The following SEC14L1 variants were observed in gnomAD, a reference collection of about 807,000 sequenced individuals.
SEC14L1 encodes the protein SEC14 like lipid binding 1.
Under a neutral mutation model 85.3 loss-of-function variants are expected in SEC14L1, and 48 were observed. That is an observed-to-expected ratio of 0.56 (90% CI 0.45 to 0.72). SEC14L1 has a LOEUF of 0.72. Ranked by LOEUF, SEC14L1 falls within the 30% of genes least tolerant of loss-of-function variation. The probability of loss-of-function intolerance (pLI) is 0.00; values close to 1 mark genes in which losing one functional copy is unlikely to be tolerated. For synonymous variants in SEC14L1, 391 were observed against 355.5 expected, an observed-to-expected ratio of 1.10 and a Z score of -1.12; for missense variants, 682 against 921.4, an observed-to-expected ratio of 0.74 and a Z score of 3.36.
At position 77,195,853 on chromosome 17, in the gene SEC14L1, A is replaced by G. The variant is rs370910899; in HGVS notation, c.710-349A>G. 3.9e-5 allele frequency among the ~76,000 whole-genome samples: 6 copies of G among 152,004 alleles called. No individual in the cohort carries two copies. In the East Asian group the frequency reaches 1.2e-3, roughly 29 times the overall value. On this transcript the variant is annotated intron_variant, in intron 7 of 16. Transcript: ENST00000436233. ...TTTGCTTGGCTTTTTTTTTTCCATAAATTTTATATCTTGCAAGTCCTTTTT... is the reference window on the plus strand; with the variant it reads ...TTTGCTTGGCTTTTTTTTTTCCATAGATTTTATATCTTGCAAGTCCTTTTT...
At chr17:77,193,888 C>T (rs538629867) in intron 6 of SEC14L1, among the ~76,000 whole-genome samples, 2 of 152,262 alleles carry the variant, frequency 1.3e-5, no homozygotes, top group East Asian at 1.9e-4. Flanking sequence ...AGGTGCTTGC[C>T]GAGCAGGCTG....
intron 3 of SEC14L1, among the ~76,000 whole-genome samples, chr17:77,149,248 C>T (rs912278884): frequency 1.3e-5 from 2 of 152,156 alleles, no homozygotes; most frequent in Admixed American, 6.5e-5. Context: ...TTTGTGTGTC[C>T]TTCCAGGGCA....
chr17:77,106,664 C>G (rs1467892530), intron 3 of SEC14L1, among the ~76,000 whole-genome samples: 2 of 151,716 alleles, frequency 1.3e-5, no homozygotes, highest in African/African-American at 2.4e-5. Context: ...GACTCCATCT[C>G]AAAAAATAAA....
At chr17:77,133,784 C>G (rs1972691655) in intron 3 of SEC14L1, among the ~76,000 whole-genome samples, 1 of 151,668 alleles carries the variant, frequency 6.6e-6, no homozygotes, top group African/African-American at 2.4e-5. Flanking sequence ...ACTAAAAATA[C>G]AAAAATTAGC....
Position 77,213,402 on chromosome 17 carries a change from G to A in SEC14L1, c.1952G>A (p.Arg651Gln). 1 of 1,613,426 alleles carries A rather than the reference G, an allele frequency of 6.2e-7. No individual in the cohort carries two copies. The highest frequency in any genetic ancestry group is 8.5e-7 in the Non-Finnish European group (1 of 1,180,016). Residue 651 changes from arginine to glutamine, a missense_variant, in exon 16 of 17, where the codon CGG (arginine) becomes CAG (glutamine). Around this residue, in one of 3 missense-constraint regions of SEC14L1, gnomAD observed 420 missense variants for 619.5 expected, o/e 0.68. Coordinates refer to ENST00000436233, the MANE Select transcript of SEC14L1 (RefSeq NM_001143998.2). This position sits in a 1 kb window ranked among gnomAD's most constrained non-coding sequence, Gnocchi z 7.1. ...MPACAASSLP[R>Q]VDDVLASLQV... Reference sequence around the variant, plus strand: ...GCGTGCGCCGCCAGCAGCCTTCCCCGGGTGGACGACGTGCTTGCGTCCCTG... The same window carrying A: ...GCGTGCGCCGCCAGCAGCCTTCCCCAGGTGGACGACGTGCTTGCGTCCCTG...
rs992154008 is a variant in SEC14L1 at position 77,162,817 on chromosome 17, C to G, written c.63+19158C>G. ...TGCACTCCAGCCAGGGCAACAAGAG[C>G]GAAACTCTGTCTCAAAAAAAAAAAA... On this transcript the variant is annotated intron_variant, in intron 3 of 16. Transcript: ENST00000436233. Among the ~76,000 whole-genome samples, 3 of 118,800 alleles carry G rather than the reference C, an allele frequency of 2.5e-5. No homozygotes were observed. The South Asian group carries it at 8.3e-4, about 33-fold the overall frequency. The allele number at this position is 118,800 out of a possible 152,430, so 77.9% of individuals were successfully genotyped here. A position where few individuals can be genotyped will look rare whatever the true frequency, so the allele number is the denominator to read the frequency against.
chr17:77,112,288 C>G (rs1972065523), intron 3 of SEC14L1, among the ~76,000 whole-genome samples: 1 of 152,110 alleles, frequency 6.6e-6, no homozygotes, highest in Non-Finnish European at 1.5e-5. Flanking sequence ...TCTCGGGTCT[C>G]TCTTCATAGC....
chr17:77,163,685 C>T (rs1974164516), intron 3 of SEC14L1, among the ~76,000 whole-genome samples: 1 of 152,220 alleles, frequency 6.6e-6, no homozygotes, highest in Non-Finnish European at 1.5e-5. Context: ...TCTTCATATG[C>T]TGTCAAGTTT....
At chr17:77,202,873 C>G (rs563440325) in intron 9 of SEC14L1, among the ~76,000 whole-genome samples, 1 of 150,872 alleles carries the variant, frequency 6.6e-6, no homozygotes, top group Non-Finnish European at 1.5e-5. Flanking sequence ...GAGCTGAGAT[C>G]GTGCCACTGC....
chr17:77,118,893 T>C (rs1261775463), intron 3 of SEC14L1, among the ~76,000 whole-genome samples: 2 of 152,026 alleles, frequency 1.3e-5, no homozygotes, highest in Non-Finnish European at 2.9e-5. Flanking sequence ...CCAGAAACCA[T>C]CCCACCACCT....
chr17:77,135,001 C>A (rs1473780128), intron 3 of SEC14L1, among the ~76,000 whole-genome samples: 3 of 152,208 alleles, frequency 2.0e-5, no homozygotes, highest in Non-Finnish European at 4.4e-5. Flanking sequence ...TCTCCTCAAC[C>A]CACTGCTGCC....
Position 77,152,127 on chromosome 17 carries a change from C to T in SEC14L1, c.63+8468C>T, listed in dbSNP as rs376449797. Among the ~76,000 whole-genome samples the T allele has an allele frequency of 1.1e-4, 17 of 152,328 alleles. No individual in the cohort carries two copies. In the South Asian group the frequency reaches 3.1e-3, roughly 28 times the overall value. On this transcript the variant is annotated intron_variant, in intron 3 of 16. Transcript: ENST00000436233. ...AGCTGGGACTACAGGCTCACACCAC[C>T]ATGCCAGCTAATTTTTCTTTTTTTA... is the stretch of plus-strand genomic sequence containing the variant.
In SEC14L1 at chr17:77,213,584, G is replaced by A. The variant is rs756360148; in HGVS notation, c.2042+92G>A. ...CCACGCCGTGTGCAGGATCAGCAGT[G>A]GCGGCGGGTGTCAGGAATGCTTGGA... On this transcript the variant is annotated intron_variant, in intron 16 of 16. Coordinates refer to ENST00000436233, the MANE Select transcript of SEC14L1 (RefSeq NM_001143998.2). The surrounding 1 kb of genome is among the most constrained non-coding windows in gnomAD (Gnocchi z 7.1). The A allele has an allele frequency of 1.4e-6, 2 of 1,474,540 alleles. No homozygotes were observed. The highest frequency in any genetic ancestry group is 9.3e-7 in the Non-Finnish European group (1 of 1,076,462). The allele number at this position is 1,474,540 out of a possible 1,614,324, so 91.3% of individuals were successfully genotyped here. A position where few individuals can be genotyped will look rare whatever the true frequency, so the allele number is the denominator to read the frequency against.
chr17:77,177,034 A>G (rs1974786840), intron 3 of SEC14L1, among the ~76,000 whole-genome samples: 1 of 152,184 alleles, frequency 6.6e-6, no homozygotes, highest in Non-Finnish European at 1.5e-5. Context: ...ACTTAAGTTT[A>G]TTATTTTTTC....
intron 3 of SEC14L1, among the ~76,000 whole-genome samples, chr17:77,184,638 C>T (rs1260133202): frequency 6.6e-6 from 1 of 152,172 alleles, no homozygotes; most frequent in Non-Finnish European, 1.5e-5. Context: ...AACGTTTCTG[C>T]CTCGCCTTGA....
intron 3 of SEC14L1, among the ~76,000 whole-genome samples, chr17:77,107,717 T>G (rs1261222665): frequency 6.6e-6 from 1 of 152,128 alleles, no homozygotes; most frequent in Non-Finnish European, 1.5e-5. Context: ...TTGACTTTCT[T>G]GCAACAACAG....
chr17:77,216,464 T>G lies in SEC14L1; in HGVS notation c.*2441T>G. ...GGTAGGGTTAGTAGCGCGTCTGTGC[T>G]GCTTCCACCTGGTGCTTCCTGTTCC... On this transcript the variant is annotated 3_prime_UTR_variant, in exon 17 of 17. Transcript: ENST00000436233. The G allele has an allele frequency of 1.2e-6, 2 of 1,611,264 alleles. No homozygotes were observed. Among genetic ancestry groups the G allele is most frequent in the Non-Finnish European group, 1.7e-6 (2 of 1,178,228 alleles).
chr17:77,140,368 G>A (rs1261607999), upstream of SEC14L1, among the ~76,000 whole-genome samples: 2 of 152,194 alleles, frequency 1.3e-5, no homozygotes, highest in Non-Finnish European at 2.9e-5. Flanking sequence ...GGGCCCTCCC[G>A]AGCCCTGGGC....
At position 77,213,516 on chromosome 17, in the gene SEC14L1, G is replaced by A. The variant is rs1177749183; in HGVS notation, c.2042+24G>A. ...AGGTGCGGCCACCCTCGCCACAGCA[G>A]GTGCTGCGGACAGCTGGGCATGGTT... On this transcript the variant is annotated intron_variant, in intron 16 of 16. Transcript: ENST00000436233. This position sits in a 1 kb window ranked among gnomAD's most constrained non-coding sequence, Gnocchi z 7.1. 6.2e-7 allele frequency: 1 copy of A among 1,602,464 alleles called. No individual in the cohort carries two copies.
Sources: allele counts gnomAD v4.1 joint callset (sites outside exome capture counted in the v4.1 genomes callset), GRCh38; gene constraint gnomAD v4.1.1; regional missense constraint gnomAD v4.1.1; non-coding constraint Gnocchi (gnomAD v3.1); transcripts MANE v1.5; gene names NCBI Gene and HGNC (gene_info 2026-07-23, HGNC 2026-07-21).